CNBP: variants seen among roughly 807,000 people sequenced by gnomAD.
The protein encoded by CNBP is cellular nucleic acid-binding protein.
A neutral mutation model predicts 21.2 loss-of-function variants in CNBP; 6 were observed. That is an observed-to-expected ratio of 0.28 (90% CI 0.16 to 0.56). The LOEUF is 0.56. Ranked by LOEUF, CNBP falls within the 20% of genes least tolerant of loss-of-function variation. CNBP has a pLI of 0.93. For missense variants in CNBP, 112 were observed against 233.1 expected, an observed-to-expected ratio of 0.48 and a Z score of 3.38; for synonymous variants, 61 against 74.9, an observed-to-expected ratio of 0.81 and a Z score of 0.96.
chr3:129,168,981 AGCCCCAGCTACTCAG>A lies in CNBP; in HGVS notation c.*1457_*1471del, dbSNP rs1937520021. Among the ~76,000 whole-genome samples the A allele has an allele frequency of 6.6e-6, 1 of 151,998 alleles. No homozygotes were observed. Among genetic ancestry groups the A allele is most frequent in the Admixed American group, 6.6e-5 (1 of 15,250 alleles). On this transcript the variant is annotated 3_prime_UTR_variant, in exon 5 of 5. Transcript: ENST00000422453. ...GCTGGGCGCGGTGGCGGGTACCTGT[AGCCCCAGCTACTCAG>A]GAGGCTGAGGCAGGAGAATGGCACG...
At position 129,171,282 on chromosome 3, in the gene CNBP, A is replaced by G; in HGVS notation, c.218-5T>C. Reference sequence around the variant, plus strand: ...CTCTACCGCAGTTATAGCAGGCTTCAACAATAAGGAAAAGAAACAGGCCAA... The same window carrying G: ...CTCTACCGCAGTTATAGCAGGCTTCGACAATAAGGAAAAGAAACAGGCCAA... On this transcript the variant is annotated splice_polypyrimidine_tract_variant and splice_region_variant and intron_variant, in intron 3 of 4. Coordinates refer to ENST00000422453, the MANE Select transcript of CNBP (RefSeq NM_003418.5). 3.7e-6 allele frequency: 6 copies of G among 1,614,176 alleles called. No individual in the cohort carries two copies. Among genetic ancestry groups the G allele is most frequent in the African/African-American group, 1.3e-5 (1 of 75,064 alleles).
chr3:129,181,239 CAAAAAAAA>C (rs10587328), intron 1 of CNBP, among the ~76,000 whole-genome samples: 6 of 53,154 alleles, frequency 1.1e-4, no homozygotes, highest in East Asian at 5.6e-4. Context: ...GACTCTGTCT[CAAAAAAAA>C]AAAAAAAAAA....
chr3:129,174,469 C>T (rs1937757423), intron 1 of CNBP, among the ~76,000 whole-genome samples: 1 of 150,744 alleles, frequency 6.6e-6, no homozygotes, highest in African/African-American at 2.4e-5. Flanking sequence ...AGTTCGAGAC[C>T]AGCCTCACCA....
rs545673318 is a variant in CNBP at position 129,168,283 on chromosome 3, C to T, written c.*2170G>A. Among the ~76,000 whole-genome samples, 207 of 152,156 alleles carry T rather than the reference C, an allele frequency of 1.4e-3. 1 individual carries two copies. The Middle Eastern group carries it at 0.014, about 10-fold the overall frequency. ...AGTTAAAACAGATGAGTTTTAAGGTCCATCTCAACTCTAAATGAGACACTA... is the reference window on the plus strand; with the variant it reads ...AGTTAAAACAGATGAGTTTTAAGGTTCATCTCAACTCTAAATGAGACACTA... On this transcript the variant is annotated 3_prime_UTR_variant, in exon 5 of 5. Coordinates refer to ENST00000422453, the MANE Select transcript of CNBP (RefSeq NM_003418.5).
At chr3:129,172,043 C>T (rs1057345775) in intron 1 of CNBP, among the ~76,000 whole-genome samples, 2 of 151,642 alleles carry the variant, frequency 1.3e-5, no homozygotes, top group South Asian at 2.1e-4. Flanking sequence ...AAGTGGCAGG[C>T]GCCTGTAATC....
rs1383211448 is a variant in CNBP, at chr3:129,169,096, T to C, written c.*1357A>G. Among the ~76,000 whole-genome samples, 2 of 148,028 alleles carry C rather than the reference T, an allele frequency of 1.4e-5. No individual in the cohort carries two copies. Among genetic ancestry groups the C allele is most frequent in the Non-Finnish European group, 3.0e-5 (2 of 67,610 alleles). On this transcript the variant is annotated 3_prime_UTR_variant, in exon 5 of 5. Transcript: ENST00000422453. ...CAGCCTGGGCAACAGAGCGACACTC[T>C]GTCTCAAAAAAAAATAAAAAAATAA...
intron 1 of CNBP, among the ~76,000 whole-genome samples, chr3:129,173,936 G>A (rs1185909585): frequency 2.0e-5 from 3 of 152,164 alleles, no homozygotes; most frequent in African/African-American, 7.2e-5. Flanking sequence ...TCCACTTTCA[G>A]TAACTGTTTA....
intron 1 of CNBP, among the ~76,000 whole-genome samples, chr3:129,177,529 G>C (rs11709133): frequency 6.6e-6 from 1 of 152,212 alleles, no homozygotes; most frequent in East Asian, 1.9e-4. Context: ...GGTCTTCTGA[G>C]TACATATTCC....
chr3:129,177,039 C>T (rs1417864508), intron 1 of CNBP, among the ~76,000 whole-genome samples: 1 of 152,152 alleles, frequency 6.6e-6, no homozygotes, highest in Non-Finnish European at 1.5e-5. Context: ...AGGCCAGAAC[C>T]TCTAATTTGT....
chr3:129,180,181 A>T (rs1200677822), intron 1 of CNBP, among the ~76,000 whole-genome samples: 1 of 145,750 alleles, frequency 6.9e-6, no homozygotes. Flanking sequence ...AGTAACTAAG[A>T]AAAAAAAAAG....
At chr3:129,182,565 G>T (rs1228960933) in intron 1 of CNBP, among the ~76,000 whole-genome samples, 1 of 152,168 alleles carries the variant, frequency 6.6e-6, no homozygotes, top group African/African-American at 2.4e-5. Context: ...TCACGATATG[G>T]AAAAATCTAG....
In CNBP at chr3:129,168,973, G is replaced by A. The variant is rs373552698; in HGVS notation, c.*1480C>T. 1.7e-4 allele frequency among the ~76,000 whole-genome samples: 26 copies of A among 151,982 alleles called. 3 individuals are homozygous for A. The highest frequency in any genetic ancestry group is 5.9e-4 in the Admixed American group (9 of 15,248). ...AAAAATTAGCTGGGCGCGGTGGCGG[G>A]TACCTGTAGCCCCAGCTACTCAGGA... On this transcript the variant is annotated 3_prime_UTR_variant, in exon 5 of 5. Transcript: ENST00000422453.
intron 1 of CNBP, among the ~76,000 whole-genome samples, chr3:129,172,382 G>C (rs574269630): frequency 3.3e-5 from 5 of 151,882 alleles, no homozygotes; most frequent in African/African-American, 1.2e-4. Context: ...AGGAGTTTGA[G>C]ACCAGTCTGG....
chr3:129,175,100 C>A (rs561541144), intron 1 of CNBP, among the ~76,000 whole-genome samples: 1 of 151,610 alleles, frequency 6.6e-6, no homozygotes, highest in Non-Finnish European at 1.5e-5. Context: ...GGGAGGCAGG[C>A]GGATCATGAG....
At chr3:129,179,669 G>A (rs886816085) in intron 1 of CNBP, among the ~76,000 whole-genome samples, 9 of 152,118 alleles carry the variant, frequency 5.9e-5, no homozygotes, top group Non-Finnish European at 1.2e-4. Flanking sequence ...TCGGCAGCCT[G>A]GCCAACATAG....
At chr3:129,176,111 G>A (rs1486507444) in intron 1 of CNBP, among the ~76,000 whole-genome samples, 3 of 152,134 alleles carry the variant, frequency 2.0e-5, no homozygotes, top group South Asian at 2.1e-4. Flanking sequence ...TAGTTTAAAG[G>A]TCTTTACAGA....
chr3:129,179,721 G>A (rs1169416763), intron 1 of CNBP, among the ~76,000 whole-genome samples: 1 of 152,094 alleles, frequency 6.6e-6, no homozygotes, highest in African/African-American at 2.4e-5. Context: ...TTAACTGGGC[G>A]TGGTGGTGCA....
chr3:129,169,265 G>A lies in CNBP; in HGVS notation c.*1188C>T, dbSNP rs1310557997. On this transcript the variant is annotated 3_prime_UTR_variant, in exon 5 of 5. Coordinates refer to ENST00000422453, the MANE Select transcript of CNBP (RefSeq NM_003418.5). ...GCCAAGCCTGCACTCCAGCCTGGGCGACAAGAGTGAGACTCCGTCTCCAAA... is the reference window on the plus strand; with the variant it reads ...GCCAAGCCTGCACTCCAGCCTGGGCAACAAGAGTGAGACTCCGTCTCCAAA... Among the ~76,000 whole-genome samples, 7 of 152,102 alleles carry A rather than the reference G, an allele frequency of 4.6e-5. No individual in the cohort carries two copies. The highest frequency in any genetic ancestry group is 2.0e-4 in the Admixed American group (3 of 15,280).
rs1486705021 is a variant in CNBP, at chr3:129,168,867, C to T, written c.*1586G>A. ...ATCCCAGCACTTTGGGAGGCCAAGG[C>T]GGGCGGATCACGAGGTCAGGAGATT... On this transcript the variant is annotated 3_prime_UTR_variant, in exon 5 of 5. Transcript: ENST00000422453. Among the ~76,000 whole-genome samples, 3 of 151,108 alleles carry T rather than the reference C, an allele frequency of 2.0e-5. No homozygotes were observed. Among genetic ancestry groups the T allele is most frequent in the Non-Finnish European group, 2.9e-5 (2 of 67,900 alleles).
Sources: allele counts gnomAD v4.1 joint callset (sites outside exome capture counted in the v4.1 genomes callset), GRCh38; gene constraint gnomAD v4.1.1; transcripts MANE v1.5; gene names NCBI Gene and HGNC (gene_info 2026-07-23, HGNC 2026-07-21).